Variants in IMMP2L observed in about 807,000 individuals in gnomAD.
IMMP2L encodes mitochondrial inner membrane protease subunit 2.
IMMP2L carries 18 observed loss-of-function variants against 19.3 expected under a neutral mutation model. The ratio of observed to expected loss-of-function variants is 0.93; its 90% CI spans 0.64 to 1.38. The LOEUF (loss-of-function observed/expected upper bound fraction) is 1.38. Among genes scored for constraint, IMMP2L ranks in the 40% most tolerant of loss-of-function variants. IMMP2L has a pLI of 0.00. For synonymous variants in IMMP2L, 76 were observed against 73.0 expected (o/e 1.04, Z -0.21); for missense variants, 233 against 218.2 (o/e 1.07, Z -0.43).
chr7:111,339,087 C>T (rs999506582), intron 3 of IMMP2L, among the ~76,000 whole-genome samples: 19 of 151,992 alleles, frequency 1.3e-4, no homozygotes, highest in African/African-American at 4.3e-4. Context: ...TCATTATCTA[C>T]CTCAGTACAA....
chr7:110,702,870 T>C (rs921244634), intron 5 of IMMP2L, among the ~76,000 whole-genome samples: 16 of 152,148 alleles, frequency 1.1e-4, no homozygotes, highest in African/African-American at 3.1e-4. Context: ...TACTTTTCAC[T>C]TCCTAATCTG....
At chr7:111,004,027 A>G (rs1221311268) in intron 3 of IMMP2L, among the ~76,000 whole-genome samples, 3 of 152,204 alleles carry the variant, frequency 2.0e-5, no homozygotes, top group Non-Finnish European at 4.4e-5. Context: ...GATTCTCTGA[A>G]TGAAAGGTCA....
At chr7:110,846,043 G>C (rs1313611922) in intron 5 of IMMP2L, among the ~76,000 whole-genome samples, 1 of 152,050 alleles carries the variant, frequency 6.6e-6, no homozygotes, top group Non-Finnish European at 1.5e-5. Flanking sequence ...CCTAGTTTAT[G>C]GTATTTTGTT....
At chr7:111,065,228 A>T (rs1220397210) in intron 3 of IMMP2L, among the ~76,000 whole-genome samples, 2 of 152,212 alleles carry the variant, frequency 1.3e-5, no homozygotes. Context: ...TTATCATGTG[A>T]CATAAGATTT....
At chr7:111,045,163 T>C (rs143923797) in intron 3 of IMMP2L, among the ~76,000 whole-genome samples, 1 of 152,362 alleles carries the variant, frequency 6.6e-6, no homozygotes, top group African/African-American at 2.4e-5. Context: ...TTTGCGTCTC[T>C]GTAAAAGAAC....
In IMMP2L at chr7:110,761,114, A is replaced by G. The variant is rs573389690; in HGVS notation, c.409-97393T>C. 4.6e-5 allele frequency among the ~76,000 whole-genome samples: 7 copies of G among 152,278 alleles called. No individual in the cohort carries two copies. In the East Asian group the frequency reaches 1.4e-3, roughly 29 times the overall value. On this transcript the variant is annotated intron_variant, in intron 5 of 5. Transcript: ENST00000405709. ...AAGCTGGTCCACCTTTCAGCCAGTCAAACTTTAAACTTTTGGTGGCAGCAA... is the reference window on the plus strand; with the variant it reads ...AAGCTGGTCCACCTTTCAGCCAGTCGAACTTTAAACTTTTGGTGGCAGCAA...
At chr7:111,206,178 A>C (rs1322715603) in intron 3 of IMMP2L, among the ~76,000 whole-genome samples, 2 of 152,146 alleles carry the variant, frequency 1.3e-5, no homozygotes, top group Non-Finnish European at 2.9e-5. Context: ...TTCAGATCTC[A>C]CTATTAGTAA....
chr7:111,308,556 G>C (rs1823142707), intron 3 of IMMP2L, among the ~76,000 whole-genome samples: 1 of 151,870 alleles, frequency 6.6e-6, no homozygotes, highest in African/African-American at 2.4e-5. Context: ...AAAATTGATA[G>C]TACAGACAGT....
intron 5 of IMMP2L, among the ~76,000 whole-genome samples, chr7:110,684,109 G>A (rs1460570411): frequency 6.6e-6 from 1 of 152,094 alleles, no homozygotes. Flanking sequence ...TTTATAAAAT[G>A]ACAGATGAGC....
intron 5 of IMMP2L, among the ~76,000 whole-genome samples, chr7:110,858,770 C>T (rs1211894727): frequency 6.6e-6 from 1 of 151,526 alleles, no homozygotes; most frequent in African/African-American, 2.4e-5. Flanking sequence ...GACCCCACAA[C>T]AGTCCCCAGA....
At chr7:110,749,446 G>T (rs775571742) in intron 5 of IMMP2L, among the ~76,000 whole-genome samples, 1 of 151,892 alleles carries the variant, frequency 6.6e-6, no homozygotes, top group African/African-American at 2.4e-5. Context: ...ACATGCAAAC[G>T]TTATGTTTAT....
intron 3 of IMMP2L, among the ~76,000 whole-genome samples, chr7:111,214,804 G>C (rs963060825): frequency 1.3e-5 from 2 of 151,280 alleles, no homozygotes; most frequent in South Asian, 2.1e-4. Context: ...AAAAGAGAGA[G>C]AGATAGAGAT....
At chr7:110,817,369 C>T (rs1458713921) in intron 5 of IMMP2L, among the ~76,000 whole-genome samples, 1 of 151,946 alleles carries the variant, frequency 6.6e-6, no homozygotes, top group Non-Finnish European at 1.5e-5. Context: ...ACAATTGCTT[C>T]AAAGAGAATA....
At chr7:111,098,235 CCT>C (rs1797604988) in intron 3 of IMMP2L, among the ~76,000 whole-genome samples, 1 of 151,688 alleles carries the variant, frequency 6.6e-6, no homozygotes, top group South Asian at 2.1e-4. Flanking sequence ...TATATTTGTT[CCT>C]CTTATTGTCA....
chr7:111,040,407 T>C (rs2129570787), intron 3 of IMMP2L, among the ~76,000 whole-genome samples: 1 of 152,218 alleles, frequency 6.6e-6, no homozygotes, highest in South Asian at 2.1e-4. Flanking sequence ...CAACTTGAAT[T>C]TTTATTCTTA....
intron 3 of IMMP2L, among the ~76,000 whole-genome samples, chr7:111,165,083 C>G (rs1292212100): frequency 6.6e-6 from 1 of 151,922 alleles, no homozygotes; most frequent in African/African-American, 2.4e-5. Context: ...TTCCACACTC[C>G]CCACATCCGG....
intron 3 of IMMP2L, among the ~76,000 whole-genome samples, chr7:111,259,657 T>C (rs201330845): frequency 2.9e-5 from 1 of 33,974 alleles, no homozygotes; most frequent in Non-Finnish European, 5.4e-5. Context: ...TTTAAAACAA[T>C]AATAATAATA....
chr7:110,922,996 T>C (rs1340670218), intron 4 of IMMP2L, among the ~76,000 whole-genome samples: 1 of 152,156 alleles, frequency 6.6e-6, no homozygotes, highest in Admixed American at 6.6e-5. Context: ...ATTACGAATT[T>C]CTACCTGTAA....
At chr7:111,554,846 T>C (rs1791081351) in intron 1 of IMMP2L, among the ~76,000 whole-genome samples, 1 of 152,100 alleles carries the variant, frequency 6.6e-6, no homozygotes, top group African/African-American at 2.4e-5. Flanking sequence ...ACTCCTGACC[T>C]CTGGTGATCC....
Sources: gnomAD v4.1 joint callset for allele counts (sites outside exome capture counted in the v4.1 genomes callset) on GRCh38, gnomAD v4.1.1 for gene constraint, MANE v1.5 for transcripts, NCBI Gene and HGNC (gene_info 2026-07-23, HGNC 2026-07-21) for gene names.